Variants in RPS19 observed in about 807,000 individuals in gnomAD.
The protein encoded by RPS19 is small ribosomal subunit protein eS19.
RPS19 carries 1 observed loss-of-function variant against 20.3 expected under a neutral mutation model. That is an observed-to-expected ratio of 0.05 (90% confidence interval 0.02 to 0.23). RPS19 has a LOEUF of 0.23. Among genes scored for constraint, RPS19 ranks in the 10% least tolerant of loss-of-function variants. The pLI, the probability that RPS19 is intolerant of heterozygous loss-of-function variation, is 1.00. For synonymous variants in RPS19, 87 were observed against 74.8 expected (o/e 1.16, Z -0.84); for missense variants, 111 against 192.7 (o/e 0.58, Z 2.51).
chr19:41,866,112 G>A (rs2074086305), intron 3 of RPS19, among the ~76,000 whole-genome samples: 1 of 151,930 alleles, frequency 6.6e-6, no homozygotes, highest in African/African-American at 2.4e-5. Context: ...CATTAGCCAG[G>A]TGTGGTGGCG....
intron 5 of RPS19, among the ~76,000 whole-genome samples, chr19:41,870,146 G>T (rs2074131725): frequency 6.6e-6 from 1 of 151,976 alleles, no homozygotes; most frequent in Non-Finnish European, 1.5e-5. Flanking sequence ...GGAGGCTGAG[G>T]CACAAAAATC....
intron 3 of RPS19, among the ~76,000 whole-genome samples, chr19:41,866,798 C>T (rs901240936): frequency 2.0e-5 from 3 of 151,940 alleles, no homozygotes; most frequent in South Asian, 2.1e-4. Flanking sequence ...AGGTGGATTA[C>T]GAGGTCAGGA....
intron 3 of RPS19, among the ~76,000 whole-genome samples, chr19:41,865,975 C>T (rs1262713156): frequency 7.1e-6 from 1 of 140,800 alleles, no homozygotes; most frequent in Non-Finnish European, 1.5e-5. Context: ...AAAAAAAGGC[C>T]GGGCGCGGTG....
intron 1 of RPS19, 63 bp from the exon 2 acceptor site, chr19:41,860,712 G>T: frequency 8.3e-7 from 1 of 1,201,490 alleles, no homozygotes; most frequent in Non-Finnish European, 1.2e-6. Context: ...TTGGGGTGGG[G>T]TCCGTGCTCT....
rs1364580038 is a variant in RPS19 at position 41,872,383 on chromosome 19, G to A, written c.*1006G>A. On this transcript the variant is annotated 3_prime_UTR_variant, in exon 6 of 6. Coordinates refer to ENST00000598742, the MANE Select transcript of RPS19 (RefSeq NM_001022.4). ...GGGATCTGACCCATTTCCTGGAAAG[G>A]GGCGAGCCTGGGTTTTGAAGTTCAA... is the stretch of plus-strand genomic sequence containing the variant. 2.0e-5 allele frequency: 3 copies of A among 152,266 alleles called. No individual in the cohort carries two copies. The highest frequency in any genetic ancestry group is 2.9e-5 in the Non-Finnish European group (2 of 68,054). The allele number at this position is 152,266 out of a possible 1,614,324, so 9.4% of individuals were successfully genotyped here.
chr19:41,868,441 A>G (rs782184195), intron 3 of RPS19, among the ~76,000 whole-genome samples: 15 of 152,214 alleles, frequency 9.9e-5, no homozygotes, highest in Non-Finnish European at 2.1e-4. Flanking sequence ...TGTGTGCTCC[A>G]GTTAATAGAA....
At chr19:41,866,685 G>T (rs2074093541) in intron 3 of RPS19, among the ~76,000 whole-genome samples, 1 of 152,194 alleles carries the variant, frequency 6.6e-6, no homozygotes, top group Admixed American at 6.5e-5. Context: ...CAATACCCAA[G>T]TCCACAGATG....
chr19:41,863,445 TGGCTC>T (rs2074053810), intron 3 of RPS19, among the ~76,000 whole-genome samples: 2 of 152,136 alleles, frequency 1.3e-5, no homozygotes, highest in African/African-American at 4.8e-5. Flanking sequence ...CTTGGCAGGG[TGGCTC>T]TGTCCAAAAC....
chr19:41,867,452 C>G (rs12984383), intron 3 of RPS19, among the ~76,000 whole-genome samples: 69,151 of 151,692 alleles, frequency 0.46, 16,669 homozygotes, highest in Middle Eastern at 0.69. Context: ...GGGGTTACAG[C>G]GGGTGTGCCA....
rs901146596 is a variant in RPS19 at position 41,872,293 on chromosome 19, C to T, written c.*916C>T. 1 of 152,274 alleles carries T rather than the reference C, an allele frequency of 6.6e-6. No individual in the cohort carries two copies. The highest frequency in any genetic ancestry group is 1.5e-5 in the Non-Finnish European group (1 of 68,058). 9.4% of individuals were successfully genotyped at this position (152,274 alleles called of 1,614,324 possible). On this transcript the variant is annotated 3_prime_UTR_variant, in exon 6 of 6. Transcript: ENST00000598742. ...GGCCCGCTGTGACCAGATGTCCCTC[C>T]CAGTTGGGAAGACTAAACTGGTTTG...
At chr19:41,866,267 G>A (rs1555840505) in intron 3 of RPS19, among the ~76,000 whole-genome samples, 1 of 152,056 alleles carries the variant, frequency 6.6e-6, no homozygotes, top group African/African-American at 2.4e-5. Context: ...AAAAAATAAA[G>A]CAGGATAACA....
intron 3 of RPS19, among the ~76,000 whole-genome samples, chr19:41,863,558 G>C (rs1373315507): frequency 1.3e-5 from 2 of 152,172 alleles, no homozygotes; most frequent in East Asian, 1.9e-4. Context: ...CAGCGCCCTT[G>C]CTGAGCAGGG....
At chr19:41,866,053 A>G (rs1555840420) in intron 3 of RPS19, among the ~76,000 whole-genome samples, 2 of 151,588 alleles carry the variant, frequency 1.3e-5, no homozygotes, top group African/African-American at 4.9e-5. Flanking sequence ...GGAGTTTGAG[A>G]CCAGCCTGGC....
At chr19:41,862,161 TC>T (rs2074038826) in intron 3 of RPS19, among the ~76,000 whole-genome samples, 1 of 152,142 alleles carries the variant, frequency 6.6e-6, no homozygotes, top group Non-Finnish European at 1.5e-5. Context: ...TCGGCAAAAC[TC>T]CTCCATGACC....
At chr19:41,871,313 C>A (rs1555841970) in intron 5 of RPS19, 38 bp from the exon 6 acceptor site, 1 of 1,610,530 alleles carries the variant, frequency 6.2e-7, no homozygotes, top group African/African-American at 1.3e-5. Context: ...AGCAGAGACC[C>A]CCTTGACTAA....
intron 3 of RPS19, 97 bp from the exon 4 acceptor site, chr19:41,868,934 C>A: frequency 1.6e-6 from 2 of 1,285,640 alleles, no homozygotes; most frequent in South Asian, 1.2e-5. Flanking sequence ...AGTTTCCCTT[C>A]TTATAAAACA....
At chr19:41,861,610 A>G in intron 3 of RPS19, 1 of 337,782 alleles carries the variant, frequency 3.0e-6, no homozygotes, top group Non-Finnish European at 5.8e-6. Flanking sequence ...AAATGGGACT[A>G]ATTATTGTAC....
At chr19:41,861,853 C>T (rs781805592) in intron 3 of RPS19, among the ~76,000 whole-genome samples, 12 of 152,210 alleles carry the variant, frequency 7.9e-5, no homozygotes, top group South Asian at 2.1e-4. Flanking sequence ...CCTGCAACCT[C>T]GTGCCAGCCC....
At chr19:41,863,148 G>A (rs1336918608) in intron 3 of RPS19, among the ~76,000 whole-genome samples, 5 of 152,136 alleles carry the variant, frequency 3.3e-5, no homozygotes, top group African/African-American at 7.2e-5. Flanking sequence ...CTCCTAAGTA[G>A]CTGGGACTAC....
Sources: allele counts gnomAD v4.1 joint callset (sites outside exome capture counted in the v4.1 genomes callset), GRCh38; gene constraint gnomAD v4.1.1; transcripts MANE v1.5; gene names NCBI Gene and HGNC (gene_info 2026-07-23, HGNC 2026-07-21).